MAGI1: variants seen among roughly 807,000 people sequenced by gnomAD.
MAGI1 encodes the protein membrane associated guanylate kinase, WW and PDZ domain containing 1, also known as membrane-associated guanylate kinase, WW and PDZ domain-containing protein 1.
Under a neutral mutation model 139.9 loss-of-function variants are expected in MAGI1, and 58 were observed. The observed-to-expected ratio is 0.41, with a 90% CI of 0.34 to 0.52. MAGI1 has a LOEUF of 0.52. Ranked by LOEUF, MAGI1 falls within the 20% of genes least tolerant of loss-of-function variation. The pLI, the probability that MAGI1 is intolerant of heterozygous loss-of-function variation, is 0.12. For synonymous variants in MAGI1, 812 were observed against 737.9 expected (o/e 1.10, Z -1.63); for missense variants, 1,874 against 1,901.6 (o/e 0.99, Z 0.27).
intron 1 of MAGI1, among the ~76,000 whole-genome samples, chr3:65,773,551 A>G (rs891829025): frequency 1.3e-5 from 2 of 152,038 alleles, no homozygotes; most frequent in African/African-American, 4.8e-5. Flanking sequence ...GACAAAAAAG[A>G]GTGGGGGTGG....
chr3:65,519,737 A>G (rs1327478890), intron 2 of MAGI1, among the ~76,000 whole-genome samples: 2 of 152,170 alleles, frequency 1.3e-5, no homozygotes, highest in African/African-American at 4.8e-5. Flanking sequence ...AATAAACTCT[A>G]TGATGGACTA....
rs182865498 is a variant in MAGI1, at chr3:65,991,091, C to G, written c.313+46905G>C. Among the ~76,000 whole-genome samples the G allele has an allele frequency of 2.2e-3, 329 of 152,098 alleles. 7 individuals are homozygous for G. The highest frequency in any genetic ancestry group is 9.3e-4 in the Non-Finnish European group (63 of 68,002). ...ATCACTTGAGGTCAGGAGTTGGAGA[C>G]CAGCCTGGCCAACAGCGTGAAACTC... On this transcript the variant is annotated intron_variant, in intron 1 of 22. Coordinates refer to ENST00000402939, the MANE Select transcript of MAGI1 (RefSeq NM_001033057.2).
At chr3:65,850,703 C>A (rs952189539) in intron 1 of MAGI1, among the ~76,000 whole-genome samples, 2 of 152,090 alleles carry the variant, frequency 1.3e-5, no homozygotes, top group African/African-American at 4.8e-5. Flanking sequence ...GAAAAGCCAC[C>A]GACACAGAAA....
intron 1 of MAGI1, among the ~76,000 whole-genome samples, chr3:65,901,629 T>C (rs1344713222): frequency 6.6e-6 from 1 of 152,258 alleles, no homozygotes; most frequent in East Asian, 1.9e-4. Context: ...AAAATATTTC[T>C]GTTAAGCTTC....
chr3:65,918,263 G>A (rs973441950), intron 1 of MAGI1, among the ~76,000 whole-genome samples: 8 of 151,998 alleles, frequency 5.3e-5, no homozygotes, highest in Admixed American at 5.3e-4. Flanking sequence ...AGTTTAAGAA[G>A]AAACTTACAT....
intron 6 of MAGI1, among the ~76,000 whole-genome samples, chr3:65,451,522 G>A (rs929912837): frequency 2.6e-5 from 4 of 152,178 alleles, no homozygotes; most frequent in Admixed American, 6.5e-5. Flanking sequence ...AGATACTTGT[G>A]TAATATACTT....
At chr3:65,404,492 C>T (rs1945174038) in intron 12 of MAGI1, among the ~76,000 whole-genome samples, 1 of 152,146 alleles carries the variant, frequency 6.6e-6, no homozygotes, top group Non-Finnish European at 1.5e-5. Flanking sequence ...ACACCTTTTA[C>T]AGCAGCCCAA....
chr3:65,600,803 T>A (rs1419074962), intron 2 of MAGI1, among the ~76,000 whole-genome samples: 1 of 152,140 alleles, frequency 6.6e-6, no homozygotes, highest in African/African-American at 2.4e-5. Context: ...ATTAGAGAAA[T>A]GTTTAGGAAT....
At chr3:65,898,307 C>T (rs1395954336) in intron 1 of MAGI1, among the ~76,000 whole-genome samples, 1 of 152,100 alleles carries the variant, frequency 6.6e-6, no homozygotes, top group African/African-American at 2.4e-5. Flanking sequence ...AAATAAAAGG[C>T]GGCTGGGTAG....
intron 1 of MAGI1, among the ~76,000 whole-genome samples, chr3:65,674,661 T>C (rs2087073008): frequency 6.6e-6 from 1 of 152,146 alleles, no homozygotes; most frequent in Non-Finnish European, 1.5e-5. Context: ...CAGTGCGCCC[T>C]TCACTTTTTC....
chr3:65,857,842 T>C (rs1243534537), intron 1 of MAGI1, among the ~76,000 whole-genome samples: 5 of 152,080 alleles, frequency 3.3e-5, no homozygotes, highest in Non-Finnish European at 7.4e-5. Flanking sequence ...AAACATCCCT[T>C]AGACATTTAA....
intron 1 of MAGI1, among the ~76,000 whole-genome samples, chr3:65,828,199 C>T (rs578211055): frequency 6.6e-6 from 1 of 152,298 alleles, no homozygotes; most frequent in South Asian, 2.1e-4. Context: ...TTCTACTTTT[C>T]ACTGTTAACT....
intron 1 of MAGI1, among the ~76,000 whole-genome samples, chr3:65,951,015 GGAAGGAA>G (rs1560047123): frequency 5.7e-5 from 7 of 122,438 alleles, no homozygotes; most frequent in East Asian, 2.4e-4. Flanking sequence ...AAGGAAGGAA[GGAAGGAA>G]GGAAGGAAGG....
At chr3:65,746,593 G>A (rs570092239) in intron 1 of MAGI1, among the ~76,000 whole-genome samples, 4 of 151,958 alleles carry the variant, frequency 2.6e-5, no homozygotes, top group Admixed American at 6.6e-5. Context: ...GAATTCACCC[G>A]TCCTCTTCTT....
chr3:65,614,798 TA>T (rs573312926), intron 2 of MAGI1, among the ~76,000 whole-genome samples: 2 of 151,518 alleles, frequency 1.3e-5, no homozygotes, highest in African/African-American at 2.4e-5. Context: ...CTAAAAGCTT[TA>T]AAAAAAATGG....
At chr3:65,936,411 A>T (rs2063052486) in intron 1 of MAGI1, among the ~76,000 whole-genome samples, 1 of 152,044 alleles carries the variant, frequency 6.6e-6, no homozygotes, top group South Asian at 2.1e-4. Context: ...GCTGAGGCAT[A>T]CCGATCACCT....
chr3:65,633,097 C>A (rs1368604111), intron 1 of MAGI1, among the ~76,000 whole-genome samples: 2 of 152,144 alleles, frequency 1.3e-5, no homozygotes, highest in African/African-American at 4.8e-5. Flanking sequence ...ATTCTAATAC[C>A]TGCTAAAGTT....
rs1285312858 is a variant in MAGI1, at chr3:65,959,817, T to A, written c.313+78179A>T. 2.8e-4 allele frequency among the ~76,000 whole-genome samples: 36 copies of A among 129,702 alleles called. No homozygotes were observed. In the East Asian group the frequency reaches 7.2e-3, roughly 26 times the overall value. 85.1% of individuals were successfully genotyped at this position (129,702 alleles called of 152,430 possible). A position where few individuals can be genotyped will look rare whatever the true frequency, so the allele number is the denominator to read the frequency against. ...TTCTCTCTTTTTTTTTTTTTTTTTTTTTTTTTGAGACAGAGTCTCACTCTG... is the reference window on the plus strand; with the variant it reads ...TTCTCTCTTTTTTTTTTTTTTTTTTATTTTTTGAGACAGAGTCTCACTCTG... On this transcript the variant is annotated intron_variant, in intron 1 of 22. Coordinates refer to ENST00000402939, the MANE Select transcript of MAGI1 (RefSeq NM_001033057.2).
intron 2 of MAGI1, among the ~76,000 whole-genome samples, chr3:65,529,963 G>T (rs1329956553): frequency 6.6e-6 from 1 of 151,870 alleles, no homozygotes; most frequent in Non-Finnish European, 1.5e-5. Flanking sequence ...CTTCACATTT[G>T]GAATGTCTTA....
Sources: allele counts gnomAD v4.1 joint callset (sites outside exome capture counted in the v4.1 genomes callset), GRCh38; gene constraint gnomAD v4.1.1; transcripts MANE v1.5; gene names NCBI Gene and HGNC (gene_info 2026-07-23, HGNC 2026-07-21).